Variants in NOTCH3 observed in about 807,000 individuals in gnomAD.
The protein encoded by NOTCH3 is neurogenic locus notch homolog protein 3.
In NOTCH3, 86 loss-of-function variants were observed where a neutral mutation model predicts 213.3. The ratio of observed to expected loss-of-function variants is 0.40; its 90% CI spans 0.34 to 0.48. The LOEUF (loss-of-function observed/expected upper bound fraction) is 0.48, where lower values mean the gene tolerates loss of function less well. Ranked by LOEUF, NOTCH3 falls within the 20% of genes least tolerant of loss-of-function variation. NOTCH3 has a pLI of 0.57. For synonymous variants in NOTCH3, 1,354 were observed against 1,355.9 expected (o/e 1.00, Z 0.03); for missense variants, 2,783 against 3,272.6 (o/e 0.85, Z 3.65).
chr19:15,177,457 A>C, intron 24 of NOTCH3, 68 bp downstream of exon 24: 11 of 1,412,474 alleles, frequency 7.8e-6, no homozygotes, highest in Non-Finnish European at 1.1e-5. Flanking sequence ...AAAGAGAGGC[A>C]GGGCCCACGG....
In NOTCH3 at chr19:15,179,425, G is replaced by C. The variant is rs112197217; in HGVS notation, c.3399C>G (p.His1133Gln). 1 of 1,613,988 alleles carries C rather than the reference G, an allele frequency of 6.2e-7. No homozygotes were observed. Among genetic ancestry groups the C allele is most frequent in the Non-Finnish European group, 8.5e-7 (1 of 1,179,996 alleles). ...VDECASQPCQ[H>Q]GGSCIDLVAR... ...CCACGAGGTCAATGCATGAACCCCC[G>C]TGCTGGCAGGGCTGGGAGGCACACT... Residue 1133 changes from histidine to glutamine, a missense_variant, in exon 21 of 33, where the codon CAC becomes CAG. By Grantham distance (24) the His-to-Gln change is conservative (BLOSUM62 0). Around this residue, in one of 6 missense-constraint regions of NOTCH3, gnomAD observed 861 missense variants for 909.1 expected, o/e 0.95. Transcript: ENST00000263388.
At chr19:15,180,619 G>A in intron 19 of NOTCH3, 62 bp downstream of exon 19, 1 of 1,523,898 alleles carries the variant, frequency 6.6e-7, no homozygotes, top group Non-Finnish European at 8.8e-7. Context: ...CACACTAGCA[G>A]GAGGTACGTG....
chr19:15,186,891 T>C lies in NOTCH3; in HGVS notation c.1938A>G (p.Gln646=), dbSNP rs1431573661. ...CCACTTGCCCACCTGTGAAGCCAGG[T>C]TGGCAGACACAGTCGTAGCGGTTGA... ...DGINRYDCVC[Q]PGFTGPLCNV... is the part of the protein sequence containing the mutation. Residue 646 remains glutamine, a synonymous_variant, in exon 12 of 33, where the codon CAA becomes CAG. Transcript: ENST00000263388. 6.2e-7 allele frequency: 1 copy of C among 1,613,946 alleles called. No individual in the cohort carries two copies. The highest frequency in any genetic ancestry group is 1.7e-5 in the Admixed American group (1 of 59,990).
Position 15,184,469 on chromosome 19 carries a change from G to C in NOTCH3, c.2411-19C>G. 2.5e-6 allele frequency: 4 copies of C among 1,613,210 alleles called. No individual in the cohort carries two copies. Among genetic ancestry groups the C allele is most frequent in the Non-Finnish European group, 3.4e-6 (4 of 1,179,574 alleles). Reference sequence around the variant, plus strand: ...CGTGGGCCTGGGGGTAGGGAGCAAGGTTACACCTAGGGTTACAGGGTACAG... The same window carrying C: ...CGTGGGCCTGGGGGTAGGGAGCAAGCTTACACCTAGGGTTACAGGGTACAG... On this transcript the variant is annotated intron_variant, in intron 15 of 32. Coordinates refer to ENST00000263388, the MANE Select transcript of NOTCH3 (RefSeq NM_000435.3).
In NOTCH3 at chr19:15,170,520, G is replaced by A. The variant is rs751362166; in HGVS notation, c.4925C>T (p.Pro1642Leu). 1.9e-5 allele frequency: 30 copies of A among 1,610,100 alleles called. No individual in the cohort carries two copies. Among genetic ancestry groups the A allele is most frequent in the Middle Eastern group, 3.3e-4 (2 of 6,062 alleles). Reference sequence around the variant, plus strand: ...GCCCGCCACTAGCAGTGGCAGCAGCGGGACGCTGGGTTCTGGAGGCTCCAG... The same window carrying A: ...GCCCGCCACTAGCAGTGGCAGCAGCAGGACGCTGGGTTCTGGAGGCTCCAG... ...EPLEPPEPSVPLLPLLVAGAV... is the reference protein window; with the variant it reads ...EPLEPPEPSVLLLPLLVAGAV... Residue 1642 changes from proline to leucine, a missense_variant, in exon 27 of 33, where the codon CCG (proline) becomes CTG (leucine). Pro to Leu is a moderately conservative substitution (Grantham distance 98). Transcript: ENST00000263388.
chr19:15,198,700 G>A (rs1289693617), intron 1 of NOTCH3, among the ~76,000 whole-genome samples: 6 of 152,196 alleles, frequency 3.9e-5, no homozygotes, highest in South Asian at 2.1e-4. Context: ...CCAGTGAGCC[G>A]AGATCACGCC....
intron 2 of NOTCH3, among the ~76,000 whole-genome samples, chr19:15,194,585 A>G (rs1385907218): frequency 2.6e-5 from 4 of 152,198 alleles, no homozygotes. Flanking sequence ...ATTTTCACAG[A>G]CATATGAAGG....
chr19:15,174,762 C>T (rs150172451), intron 24 of NOTCH3, among the ~76,000 whole-genome samples: 3 of 151,840 alleles, frequency 2.0e-5, no homozygotes, highest in Non-Finnish European at 4.4e-5. Flanking sequence ...TTAGCAGAGA[C>T]GGGGTTTTAC....
Position 15,189,089 on chromosome 19 carries a change from A to C in NOTCH3, c.1278T>G (p.Pro426=), listed in dbSNP as rs1568360464. ...ACTCGTTGACATCGGTCTCACAGCG[A>C]GGTCCAGTGTAGCCACGACCGCACT... ...LCQCGRGYTG[P]RCETDVNECL... Residue 426 remains proline (P), a synonymous_variant, in exon 8 of 33, where the codon CCT becomes CCG. Coordinates refer to ENST00000263388, the MANE Select transcript of NOTCH3 (RefSeq NM_000435.3). 1 of 1,613,206 alleles carries C rather than the reference A, an allele frequency of 6.2e-7. No homozygotes were observed.
chr19:15,181,275 TCG>T lies in NOTCH3; in HGVS notation c.2793-115_2793-114del, dbSNP rs1162190685. On this transcript the variant is annotated intron_variant, in intron 17 of 32. Coordinates refer to ENST00000263388, the MANE Select transcript of NOTCH3 (RefSeq NM_000435.3). The stretch of plus-strand genomic sequence containing the variant: ...GACGTCCCACTCCCTGACCCTTATC[TCG>T]GCAAGAAGCTGCAGCCCCAGCAGAA... 7 of 997,058 alleles carry T rather than the reference TCG, an allele frequency of 7.0e-6. No homozygotes were observed. In the African/African-American group the frequency reaches 1.1e-4, roughly 16 times the overall value. 61.8% of individuals were successfully genotyped at this position (997,058 alleles called of 1,614,324 possible).
In NOTCH3 at chr19:15,178,956, G is replaced by A. The variant is rs2145417130; in HGVS notation, c.3719-15C>T. The A allele has an allele frequency of 6.2e-7, 1 of 1,614,022 alleles. No homozygotes were observed. Among genetic ancestry groups the A allele is most frequent in the Non-Finnish European group, 8.5e-7 (1 of 1,179,960 alleles). On this transcript the variant is annotated splice_polypyrimidine_tract_variant and intron_variant, in intron 22 of 32. Transcript: ENST00000263388. ...ACAGCGAGGACCTGAGCGAGCGGGA[G>A]CATGTAGATCAGCCACAATGGGGGA...
intron 12 of NOTCH3, 54 bp downstream of exon 12, chr19:15,186,824 G>T: frequency 1.4e-6 from 2 of 1,413,170 alleles, no homozygotes; most frequent in Non-Finnish European, 2.0e-6. Context: ...CCACAGAGAC[G>T]AGTGACTTCA....
chr19:15,192,049 G>T lies in NOTCH3; in HGVS notation c.590C>A (p.Pro197His), dbSNP rs2046932153. ...AGYTGPLCENPAVPCAPSPCR... is the reference protein window; with the variant it reads ...AGYTGPLCENHAVPCAPSPCR... ...TGGTGAGGGTGCACAGGGCACCGCG[G>T]GGTTCTCACATAGTGGCCCTGTGTA... Residue 197 changes from proline to histidine, a missense_variant, in exon 4 of 33, where the codon CCC becomes CAC. Transcript: ENST00000263388. 1 of 1,613,138 alleles carries T rather than the reference G, an allele frequency of 6.2e-7. No homozygotes were observed. The highest frequency in any genetic ancestry group is 1.1e-5 in the South Asian group (1 of 91,084).
At chr19:15,194,458 G>T (rs577289257) in intron 2 of NOTCH3, among the ~76,000 whole-genome samples, 3 of 152,274 alleles carry the variant, frequency 2.0e-5, no homozygotes, top group East Asian at 1.9e-4. Flanking sequence ...AACTTCAAGA[G>T]AATAAATTAC....
Position 15,177,614 on chromosome 19 carries a change from G to T in NOTCH3, c.4314C>A (p.Asn1438Lys). 1 of 1,592,194 alleles carries T rather than the reference G, an allele frequency of 6.3e-7. No homozygotes were observed. ...TGCAGGCGGGGTCGCAGCGGCTGTT[G>T]TTGAAGAGGCGCCAGCACTGCAGCG... is the stretch of plus-strand genomic sequence containing the variant. ...CEALQCWRLF[N>K]NSRCDPACSS... is the part of the protein sequence containing the mutation. The change falls in exon 24 of 33, where the codon AAC (asparagine) becomes AAA (lysine). Residue 1438 changes from asparagine (N) to lysine (K), a missense_variant. By Grantham distance (94) the Asn-to-Lys change is moderately conservative. Coordinates refer to ENST00000263388, the MANE Select transcript of NOTCH3 (RefSeq NM_000435.3).
At chr19:15,191,382 A>G (rs1442382515) in intron 6 of NOTCH3, 42 bp downstream of exon 6, 2 of 1,556,196 alleles carry the variant, frequency 1.3e-6, no homozygotes, top group African/African-American at 1.4e-5. Flanking sequence ...TGCCCTCACT[A>G]AAAACCATCC....
At chr19:15,176,327 C>G (rs1001133729) in intron 24 of NOTCH3, among the ~76,000 whole-genome samples, 4 of 152,014 alleles carry the variant, frequency 2.6e-5, no homozygotes, top group African/African-American at 9.7e-5. Context: ...TGCCACCACA[C>G]CCGGCTAATT....
intron 24 of NOTCH3, among the ~76,000 whole-genome samples, chr19:15,176,443 G>A (rs1292866258): frequency 0.048 from 6 of 126 alleles, no homozygotes; most frequent in Admixed American, 0.25. Context: ...GATTACAGGC[G>A]TGAGCACTGT....
chr19:15,197,331 C>G (rs1266341100), intron 2 of NOTCH3, among the ~76,000 whole-genome samples, 169 bp downstream of exon 2: 1 of 152,246 alleles, frequency 6.6e-6, no homozygotes, highest in African/African-American at 2.4e-5. Context: ...AGTGCAGAGC[C>G]CCTGCTCAGT....
Sources: allele counts gnomAD v4.1 joint callset (sites outside exome capture counted in the v4.1 genomes callset), GRCh38; gene constraint gnomAD v4.1.1; regional missense constraint gnomAD v4.1.1; transcripts MANE v1.5; gene names NCBI Gene and HGNC (gene_info 2026-07-23, HGNC 2026-07-21).